EPHA6: variants seen among roughly 807,000 people sequenced by gnomAD.
EPHA6 encodes the protein ephrin type-A receptor 6.
EPHA6 carries 50 observed loss-of-function variants against 112.0 expected under a neutral mutation model. The ratio of observed to expected loss-of-function variants is 0.45; its 90% CI spans 0.36 to 0.56. The LOEUF (loss-of-function observed/expected upper bound fraction) is 0.56. EPHA6 is among the 20% of genes least tolerant of loss of function. The probability of loss-of-function intolerance (pLI) is 0.00; values close to 1 mark genes in which losing one functional copy is unlikely to be tolerated. For missense variants in EPHA6, 1,280 were observed against 1,417.4 expected, an observed-to-expected ratio of 0.90 and a Z score of 1.56; for synonymous variants, 529 against 490.7, an observed-to-expected ratio of 1.08 and a Z score of -1.03.
At chr3:97,326,346 T>C (rs2082421694) in intron 5 of EPHA6, among the ~76,000 whole-genome samples, 1 of 151,816 alleles carries the variant, frequency 6.6e-6, no homozygotes, top group Non-Finnish European at 1.5e-5. Context: ...TAGTTTAGCT[T>C]TGAAATTTTA....
At chr3:97,343,339 G>T (rs1309048843) in intron 5 of EPHA6, among the ~76,000 whole-genome samples, 1 of 152,154 alleles carries the variant, frequency 6.6e-6, no homozygotes, top group Non-Finnish European at 1.5e-5. Flanking sequence ...GGATGAAGTT[G>T]GGTGTTTAAT....
At chr3:97,524,173 C>A (rs2092586385) in intron 10 of EPHA6, among the ~76,000 whole-genome samples, 1 of 151,906 alleles carries the variant, frequency 6.6e-6, no homozygotes, top group Non-Finnish European at 1.5e-5. Context: ...TTCTTCCAAT[C>A]TTACAGTCTT....
At chr3:96,857,268 T>C (rs1361226520) in intron 1 of EPHA6, among the ~76,000 whole-genome samples, 1 of 152,160 alleles carries the variant, frequency 6.6e-6, no homozygotes, top group African/African-American at 2.4e-5. Flanking sequence ...AATTTGACAA[T>C]AGTACTTAAT....
chr3:96,906,135 A>T (rs770499805), intron 2 of EPHA6, among the ~76,000 whole-genome samples: 1 of 152,068 alleles, frequency 6.6e-6, no homozygotes, highest in East Asian at 1.9e-4. Flanking sequence ...TTCCTGTTTT[A>T]AAAAACTGAA....
chr3:97,478,132 G>T (rs960934620), intron 8 of EPHA6, among the ~76,000 whole-genome samples: 3 of 151,930 alleles, frequency 2.0e-5, no homozygotes, highest in African/African-American at 7.3e-5. Context: ...TCCTCTGGAC[G>T]TTTAAAAGAA....
At chr3:97,188,548 C>G (rs1233897658) in intron 3 of EPHA6, among the ~76,000 whole-genome samples, 9 of 151,746 alleles carry the variant, frequency 5.9e-5, no homozygotes, top group African/African-American at 2.2e-4. Flanking sequence ...ATTTTATTTG[C>G]TTTAGAAAGA....
intron 6 of EPHA6, chr3:97,447,674 G>A: frequency 1.5e-6 from 1 of 650,202 alleles, no homozygotes; most frequent in Non-Finnish European, 1.9e-6. Flanking sequence ...CCTGTTCTGA[G>A]ATAGTGGGCA....
chr3:96,859,406 G>T (rs2035884136), intron 1 of EPHA6, among the ~76,000 whole-genome samples: 1 of 145,364 alleles, frequency 6.9e-6, no homozygotes, highest in African/African-American at 2.6e-5. Context: ...TTTTGAGACA[G>T]GGTCTTGTTC....
intron 3 of EPHA6, among the ~76,000 whole-genome samples, chr3:97,160,510 C>T (rs928346336): frequency 6.6e-6 from 1 of 151,942 alleles, no homozygotes; most frequent in Non-Finnish European, 1.5e-5. Flanking sequence ...GAACTCCTGA[C>T]CTCAAGTGAT....
At chr3:96,835,150 C>T (rs966684928) in intron 1 of EPHA6, among the ~76,000 whole-genome samples, 7 of 151,980 alleles carry the variant, frequency 4.6e-5, no homozygotes, top group East Asian at 1.9e-4. Flanking sequence ...TTGGAATTCA[C>T]GAACACAATC....
chr3:97,161,118 G>T (rs1232335016), intron 3 of EPHA6, among the ~76,000 whole-genome samples: 1 of 152,106 alleles, frequency 6.6e-6, no homozygotes. Flanking sequence ...TTGTTTGCAT[G>T]CCCAACTTTA....
intron 3 of EPHA6, among the ~76,000 whole-genome samples, chr3:97,023,349 G>T (rs546354832): frequency 1.6e-4 from 24 of 152,260 alleles, no homozygotes; most frequent in African/African-American, 5.5e-4. Context: ...AAAGTGCTGG[G>T]ATTACAGGCT....
chr3:97,450,899 A>G (rs1025528007), intron 7 of EPHA6, among the ~76,000 whole-genome samples: 4 of 152,126 alleles, frequency 2.6e-5, no homozygotes, highest in South Asian at 2.1e-4. Context: ...TACAAAGGAT[A>G]TGGTGGCAGC....
chr3:97,361,005 C>G (rs944931090), intron 5 of EPHA6, among the ~76,000 whole-genome samples: 1 of 152,070 alleles, frequency 6.6e-6, no homozygotes, highest in African/African-American at 2.4e-5. Flanking sequence ...TTGGATGTGC[C>G]CTTTTGAGTT....
chr3:97,501,310 T>A (rs1298447585), intron 10 of EPHA6, among the ~76,000 whole-genome samples: 1 of 152,102 alleles, frequency 6.6e-6, no homozygotes, highest in Non-Finnish European at 1.5e-5. Flanking sequence ...TGATACAATT[T>A]AAAAATTCTA....
At chr3:97,530,020 G>GATTA (rs2092677854) in intron 10 of EPHA6, among the ~76,000 whole-genome samples, 1 of 151,998 alleles carries the variant, frequency 6.6e-6, no homozygotes, top group Non-Finnish European at 1.5e-5. Context: ...TGGGCTCCTG[G>GATTA]TGGGTGAGGG....
In EPHA6 at chr3:97,244,022, A is replaced by G. The variant is rs535111359; in HGVS notation, c.1341A>G (p.Pro447=). The change falls in exon 5 of 18, where the codon CCA becomes CCG. Residue 447 remains proline, a synonymous_variant. Coordinates refer to ENST00000389672, the MANE Select transcript of EPHA6 (RefSeq NM_001080448.3). ...NETALILEWS[P]PSDTGGRKDL... ...CAGCCCTTATTTTGGAATGGAGCCC[A>G]CCAAGTGACACAGGAGGGAGAAAAG... 6.2e-7 allele frequency: 1 copy of G among 1,612,540 alleles called. No homozygotes were observed. The highest frequency in any genetic ancestry group is 1.1e-5 in the South Asian group (1 of 91,030).
chr3:97,085,679 T>C, intron 3 of EPHA6, among the ~76,000 whole-genome samples: 1 of 151,998 alleles, frequency 6.6e-6, no homozygotes. Flanking sequence ...AGTAATAGTA[T>C]GAGGTAAATT....
intron 3 of EPHA6, among the ~76,000 whole-genome samples, chr3:97,137,880 G>A (rs1160471709): frequency 6.6e-6 from 1 of 152,050 alleles, no homozygotes; most frequent in Non-Finnish European, 1.5e-5. Flanking sequence ...TTTTAAAAAT[G>A]TAGAAAAAAA....
Sources: allele counts gnomAD v4.1 joint callset (sites outside exome capture counted in the v4.1 genomes callset), GRCh38; gene constraint gnomAD v4.1.1; transcripts MANE v1.5; gene names NCBI Gene and HGNC (gene_info 2026-07-23, HGNC 2026-07-21).